The following SLC7A8 variants were observed in gnomAD, a reference collection of about 807,000 sequenced individuals.
The protein encoded by SLC7A8 is solute carrier family 7 member 8, also known as large neutral amino acids transporter small subunit 2.
SLC7A8 carries 30 observed loss-of-function variants against 51.2 expected under a neutral mutation model. The observed-to-expected ratio is 0.59, with a 90% CI of 0.44 to 0.80. The LOEUF (loss-of-function observed/expected upper bound fraction) is 0.80. Ranked by LOEUF, SLC7A8 falls within the 30% of genes least tolerant of loss-of-function variation. SLC7A8 has a pLI of 0.00. For missense variants in SLC7A8, 612 were observed against 674.4 expected (o/e 0.91, Z 1.03); for synonymous variants, 257 against 275.8 (o/e 0.93, Z 0.67).
Position 23,127,140 on chromosome 14 carries a change from G to T in SLC7A8, c.*37C>A, listed in dbSNP as rs373553866. On this transcript the variant is annotated 3_prime_UTR_variant, in exon 11 of 11. Transcript: ENST00000316902. The stretch of plus-strand genomic sequence containing the variant: ...CCAAGGCAGGGAGGTAGGATAAAAG[G>T]GGGAGGAAGGAGAGAGTAGCCAGGG... 1 of 1,611,672 alleles carries T rather than the reference G, an allele frequency of 6.2e-7. No individual in the cohort carries two copies. Among genetic ancestry groups the T allele is most frequent in the Non-Finnish European group, 8.5e-7 (1 of 1,178,196 alleles).
At chr14:23,154,379 C>G in intron 3 of SLC7A8, 1 of 998,786 alleles carries the variant, frequency 1.0e-6, no homozygotes, top group Non-Finnish European at 1.2e-6. Context: ...CCCTCTGGGT[C>G]TGGGTGCCCA....
chr14:23,137,985 T>C lies in SLC7A8; in HGVS notation c.952A>G (p.Met318Val). Residue 318 changes from methionine to valine, a missense_variant, in exon 7 of 11, where the codon ATG becomes GTG. Transcript: ENST00000316902. ...EKLLGVMAWI[M>V]PISVALSTFG... ...GTGGACAGGGCAACAGAAATGGGCA[T>C]GATCCAGGCCATGACTCCTAGGAGC... 1 of 1,613,616 alleles carries C rather than the reference T, an allele frequency of 6.2e-7. No individual in the cohort carries two copies. Among genetic ancestry groups the C allele is most frequent in the Non-Finnish European group, 8.5e-7 (1 of 1,179,974 alleles).
Position 23,139,404 on chromosome 14 carries a change from C to G in SLC7A8, c.912+20G>C. ...ATGTCTGCATTCCTGGTATGAGACT[C>G]TGGGACTTTCATTTCTTACCACAGC... is the stretch of plus-strand genomic sequence containing the variant. On this transcript the variant is annotated intron_variant, in intron 6 of 10. Coordinates refer to ENST00000316902, the MANE Select transcript of SLC7A8 (RefSeq NM_012244.4). 1.2e-6 allele frequency: 2 copies of G among 1,613,748 alleles called. No homozygotes were observed. Among genetic ancestry groups the G allele is most frequent in the South Asian group, 2.2e-5 (2 of 91,064 alleles).
chr14:23,129,495 C>G (rs2048611332), intron 9 of SLC7A8, 155 bp downstream of exon 9: 1 of 751,112 alleles, frequency 1.3e-6, no homozygotes, highest in Admixed American at 2.9e-5. Context: ...AAATAGTGGT[C>G]CCATTCACAA....
At chr14:23,129,837 A>T (rs779423384) in intron 8 of SLC7A8, 38 bp from the exon 9 acceptor site, 27 of 1,610,258 alleles carry the variant, frequency 1.7e-5, no homozygotes, top group Non-Finnish European at 2.2e-5. Context: ...GATCCGAAAG[A>T]TATTCAGAGA....
chr14:23,157,154 G>A lies in SLC7A8; in HGVS notation c.508+8131C>T, dbSNP rs529882881. 1.2e-4 allele frequency among the ~76,000 whole-genome samples: 18 copies of A among 152,272 alleles called. No homozygotes were observed. The South Asian group carries it at 3.5e-3, about 30-fold the overall frequency. On this transcript the variant is annotated intron_variant, in intron 3 of 10. Transcript: ENST00000316902. The stretch of plus-strand genomic sequence containing the variant: ...ACCAATTCAGATGATACAACAATAC[G>A]TACAGACAATACGACCCAGTGTTGT...
intron 4 of SLC7A8, 131 bp from the exon 5 acceptor site, chr14:23,140,755 C>T (rs2048737052): frequency 1.2e-6 from 1 of 862,974 alleles, no homozygotes; most frequent in East Asian, 2.5e-5. Context: ...TCCAGTGAAC[C>T]CAACATATTG....
intron 3 of SLC7A8, 140 bp from the exon 4 acceptor site, chr14:23,143,344 A>G (rs1053261754): frequency 2.5e-6 from 3 of 1,177,258 alleles, no homozygotes; most frequent in African/African-American, 3.0e-5. Flanking sequence ...GCTCAACCCC[A>G]GGGACCAGAG....
intron 7 of SLC7A8, among the ~76,000 whole-genome samples, chr14:23,136,630 G>A (rs1185547216): frequency 6.6e-6 from 1 of 152,160 alleles, no homozygotes; most frequent in Non-Finnish European, 1.5e-5. Context: ...GGCCTGGGTG[G>A]GTGAGGTCTG....
At chr14:23,155,552 C>T (rs939869479) in intron 3 of SLC7A8, 12 of 1,211,548 alleles carry the variant, frequency 9.9e-6, no homozygotes, top group Non-Finnish European at 1.2e-5. Context: ...AAACATGGCT[C>T]CTCAGCTGGC....
chr14:23,166,359 C>G lies in SLC7A8; in HGVS notation c.333G>C (p.Lys111Asn). The G allele has an allele frequency of 6.2e-7, 1 of 1,613,942 alleles. No individual in the cohort carries two copies. Residue 111 changes from lysine (K) to asparagine (N), a missense_variant, in exon 2 of 11, where the codon AAG (lysine) becomes AAC (asparagine). By Grantham distance (94) the Lys-to-Asn change is moderately conservative. Coordinates refer to ENST00000316902, the MANE Select transcript of SLC7A8 (RefSeq NM_012244.4). ...PKSGGDYSYV[K>N]DIFGGLAGFL... Reference sequence around the variant, plus strand: ...ACCCAGCCAGTCCTCCGAAGATGTCCTTGACATAGGAGTAGTCACCTCCAG... The same window carrying G: ...ACCCAGCCAGTCCTCCGAAGATGTCGTTGACATAGGAGTAGTCACCTCCAG...
intron 5 of SLC7A8, among the ~76,000 whole-genome samples, chr14:23,140,045 A>T (rs2048728232): frequency 6.6e-6 from 1 of 152,190 alleles, no homozygotes; most frequent in Non-Finnish European, 1.5e-5. Context: ...AGTTAAAAAA[A>T]TGAAGGCAAT....
At chr14:23,157,958 C>G (rs1302290448) in intron 3 of SLC7A8, among the ~76,000 whole-genome samples, 1 of 152,148 alleles carries the variant, frequency 6.6e-6, no homozygotes, top group Admixed American at 6.5e-5. Flanking sequence ...GCCACAGTGC[C>G]TGGAGCAGAA....
Position 23,128,378 on chromosome 14 carries a change from T to A in SLC7A8, c.1264-182A>T. The A allele has an allele frequency of 6.5e-7, 1 of 1,530,276 alleles. No individual in the cohort carries two copies. Among genetic ancestry groups the A allele is most frequent in the South Asian group, 1.2e-5 (1 of 83,150 alleles). The allele number at this position is 1,530,276 out of a possible 1,614,324, so 94.8% of individuals were successfully genotyped here. A position where few individuals can be genotyped will look rare whatever the true frequency, so the allele number is the denominator to read the frequency against. ...GTAGGGCAGGGGCTATATAAACAAA[T>A]GTTGATGAACATGGTCGGTCAGACA... On this transcript the variant is annotated intron_variant, in intron 9 of 10. Transcript: ENST00000316902. This position sits in a 1 kb window ranked among gnomAD's most constrained non-coding sequence, Gnocchi z 4.3.
intron 3 of SLC7A8, among the ~76,000 whole-genome samples, chr14:23,156,018 G>C (rs1220252833): frequency 6.8e-6 from 1 of 148,022 alleles, no homozygotes; most frequent in African/African-American, 2.5e-5. Flanking sequence ...TTTTTTTTGA[G>C]ATGGAGTTTC....
At position 23,180,594 on chromosome 14, in the gene SLC7A8, A is replaced by T. The variant is rs144191082; in HGVS notation, c.151+2170T>A. On this transcript the variant is annotated intron_variant, in intron 1 of 10. Coordinates refer to ENST00000316902, the MANE Select transcript of SLC7A8 (RefSeq NM_012244.4). ...CACAGAACACCAGAATTGCCATTCT[A>T]GTTACTGTAATGCCACCATGGGGAG... 2.4e-3 allele frequency among the ~76,000 whole-genome samples: 360 copies of T among 152,330 alleles called. 2 individuals are homozygous for T. The highest frequency in any genetic ancestry group is 8.2e-3 in the African/African-American group (341 of 41,572).
intron 1 of SLC7A8, among the ~76,000 whole-genome samples, chr14:23,170,894 T>G (rs560727567): frequency 1.3e-5 from 2 of 151,560 alleles, no homozygotes; most frequent in East Asian, 3.9e-4. Flanking sequence ...CAAAGCTAAT[T>G]TTTATGTTTT....
chr14:23,156,720 A>C (rs538022084), intron 3 of SLC7A8, among the ~76,000 whole-genome samples: 1 of 152,334 alleles, frequency 6.6e-6, no homozygotes, highest in Non-Finnish European at 1.5e-5. Flanking sequence ...CACCTGGTGG[A>C]AGCTGAACTC....
chr14:23,177,759 C>T (rs1448759874), intron 1 of SLC7A8, among the ~76,000 whole-genome samples: 2 of 152,188 alleles, frequency 1.3e-5, no homozygotes, highest in Non-Finnish European at 2.9e-5. Context: ...CAGGCTCACC[C>T]AAGTCTTCCT....
Sources: allele counts gnomAD v4.1 joint callset (sites outside exome capture counted in the v4.1 genomes callset), GRCh38; gene constraint gnomAD v4.1.1; non-coding constraint Gnocchi (gnomAD v3.1); transcripts MANE v1.5; gene names NCBI Gene and HGNC (gene_info 2026-07-23, HGNC 2026-07-21).